Variants in COL25A1 observed in about 807,000 individuals in gnomAD.
COL25A1 encodes the protein collagen type XXV alpha 1 chain, also known as collagen alpha-1(XXV) chain.
A neutral mutation model predicts 128.4 loss-of-function variants in COL25A1; 103 were observed. The observed-to-expected ratio is 0.80, with a 90% CI of 0.68 to 0.94. COL25A1 has a LOEUF of 0.94. Among genes scored for constraint, COL25A1 ranks in the 40% least tolerant of loss-of-function variants. The pLI, the probability that COL25A1 is intolerant of heterozygous loss-of-function variation, is 0.00. For missense variants in COL25A1, 745 were observed against 840.0 expected, an observed-to-expected ratio of 0.89 and a Z score of 1.40; for synonymous variants, 279 against 277.2, an observed-to-expected ratio of 1.01 and a Z score of -0.06.
intron 3 of COL25A1, among the ~76,000 whole-genome samples, chr4:109,081,704 T>C (rs1763847171): frequency 1.3e-5 from 2 of 151,810 alleles, no homozygotes; most frequent in African/African-American, 2.4e-5. Context: ...TTTTGTTTTT[T>C]CTTTTATTTT....
At chr4:108,894,133 T>G (rs190197429) in intron 16 of COL25A1, among the ~76,000 whole-genome samples, 1 of 152,192 alleles carries the variant, frequency 6.6e-6, no homozygotes, top group African/African-American at 2.4e-5. Flanking sequence ...TGATTTGCAT[T>G]AATATATAAA....
intron 19 of COL25A1, among the ~76,000 whole-genome samples, chr4:108,874,034 C>A (rs13150845): frequency 0.042 from 6,359 of 152,154 alleles, 158 homozygotes; most frequent in Non-Finnish European, 0.052. Context: ...GAAATATTTT[C>A]TTGTAATAAA....
chr4:108,904,014 T>TA (rs1434878411), intron 13 of COL25A1, among the ~76,000 whole-genome samples: 2 of 152,064 alleles, frequency 1.3e-5, no homozygotes, highest in African/African-American at 4.8e-5. Context: ...TTATAATAGT[T>TA]ACGTCACGAA....
chr4:108,918,290 G>C, intron 12 of COL25A1, 74 bp from the exon 13 acceptor site: 3 of 1,096,110 alleles, frequency 2.7e-6, no homozygotes, highest in Middle Eastern at 2.2e-4. Flanking sequence ...TATTGTATTA[G>C]TTATGTAAGC....
chr4:108,979,832 G>A (rs575044478), intron 6 of COL25A1, among the ~76,000 whole-genome samples: 1 of 152,288 alleles, frequency 6.6e-6, no homozygotes, highest in Admixed American at 6.5e-5. Context: ...ATCACAATCA[G>A]TGGACTAAAT....
At chr4:108,934,872 T>C (rs1747217082) in intron 11 of COL25A1, among the ~76,000 whole-genome samples, 1 of 152,194 alleles carries the variant, frequency 6.6e-6, no homozygotes, top group African/African-American at 2.4e-5. Context: ...TAATTTACTT[T>C]AGAGAGAACA....
chr4:109,248,541 C>T (rs1780434180), intron 3 of COL25A1, among the ~76,000 whole-genome samples: 1 of 151,730 alleles, frequency 6.6e-6, no homozygotes, highest in Non-Finnish European at 1.5e-5. Context: ...AAGTATCCCA[C>T]ACAAAAAGAA....
At chr4:109,094,201 T>A (rs1261833737) in intron 3 of COL25A1, among the ~76,000 whole-genome samples, 1 of 152,150 alleles carries the variant, frequency 6.6e-6, no homozygotes, top group Non-Finnish European at 1.5e-5. Flanking sequence ...GTCAGTTGCA[T>A]AAAAATACAA....
chr4:109,116,267 G>A (rs560648918), intron 3 of COL25A1, among the ~76,000 whole-genome samples: 32 of 152,014 alleles, frequency 2.1e-4, no homozygotes, highest in Admixed American at 3.9e-4. Flanking sequence ...ATGAAGGAGG[G>A]GAAATAAGCC....
At chr4:109,289,245 A>G (rs1320578630) in intron 3 of COL25A1, among the ~76,000 whole-genome samples, 2 of 152,060 alleles carry the variant, frequency 1.3e-5, no homozygotes, top group African/African-American at 4.8e-5. Context: ...CTGACTTCCC[A>G]CTGTGAAAAA....
intron 6 of COL25A1, among the ~76,000 whole-genome samples, chr4:109,000,160 G>A (rs760869746): frequency 6.6e-6 from 1 of 152,084 alleles, no homozygotes; most frequent in South Asian, 2.1e-4. Flanking sequence ...GGAAAAAAGT[G>A]TTCATGAATA....
chr4:108,997,194 T>G (rs751932686), intron 6 of COL25A1, among the ~76,000 whole-genome samples: 21 of 152,126 alleles, frequency 1.4e-4, no homozygotes, highest in Non-Finnish European at 2.5e-4. Context: ...CAGGAGCTGT[T>G]TTTTTGAAAA....
intron 8 of COL25A1, among the ~76,000 whole-genome samples, chr4:108,958,242 C>A (rs1160642129): frequency 6.6e-6 from 1 of 152,016 alleles, no homozygotes; most frequent in Non-Finnish European, 1.5e-5. Flanking sequence ...AATTCATGAT[C>A]TTGTTCCTCT....
intron 2 of COL25A1, among the ~76,000 whole-genome samples, chr4:109,301,277 T>G (rs951765296): frequency 2.0e-5 from 3 of 152,202 alleles, no homozygotes; most frequent in African/African-American, 7.2e-5. Context: ...GATTTTAAAT[T>G]ATATATGACA....
chr4:108,926,656 C>G (rs905618853), intron 11 of COL25A1, among the ~76,000 whole-genome samples: 4 of 151,832 alleles, frequency 2.6e-5, no homozygotes, highest in Admixed American at 2.6e-4. Flanking sequence ...TGAAATGCAT[C>G]ACAAGATCAC....
chr4:108,941,747 C>G (rs1424924433), intron 8 of COL25A1, among the ~76,000 whole-genome samples: 1 of 152,076 alleles, frequency 6.6e-6, no homozygotes, highest in Admixed American at 6.5e-5. Context: ...GCAAGTGCAC[C>G]CCTGCATTCT....
chr4:109,292,510 C>T (rs1356155986), intron 3 of COL25A1, among the ~76,000 whole-genome samples: 1 of 152,050 alleles, frequency 6.6e-6, no homozygotes, highest in African/African-American at 2.4e-5. Flanking sequence ...CTATAGAGAG[C>T]TCTACGATGA....
rs1278221783 is a variant in COL25A1 at position 109,045,953 on chromosome 4, A to G, written c.420+2215T>C. Among the ~76,000 whole-genome samples, 3 of 152,308 alleles carry G rather than the reference A, an allele frequency of 2.0e-5. No individual in the cohort carries two copies. In the East Asian group the frequency reaches 5.8e-4, roughly 29 times the overall value. On this transcript the variant is annotated intron_variant, in intron 5 of 37. Coordinates refer to ENST00000399132, the MANE Select transcript of COL25A1 (RefSeq NM_198721.4). ...TATATTTTATGTGATTATTTTAATC[A>G]AGGAATATGATTTGACCCATGGCCT...
chr4:109,239,782 TTCA>T (rs1345186720), intron 3 of COL25A1, among the ~76,000 whole-genome samples: 8 of 152,060 alleles, frequency 5.3e-5, no homozygotes, highest in South Asian at 2.1e-4. Context: ...CTTTACAAAC[TTCA>T]TCATGTTTTT....
Sources: gnomAD v4.1 joint callset for allele counts (sites outside exome capture counted in the v4.1 genomes callset) on GRCh38, gnomAD v4.1.1 for gene constraint, MANE v1.5 for transcripts, NCBI Gene and HGNC (gene_info 2026-07-23, HGNC 2026-07-21) for gene names.